The following CEP128 variants were observed in gnomAD, a reference collection of about 807,000 sequenced individuals.
CEP128 encodes the protein centrosomal protein 128kDa.
CEP128 carries 132 observed loss-of-function variants against 156.7 expected under a neutral mutation model. The observed-to-expected ratio is 0.84, with a 90% CI of 0.73 to 0.97. CEP128 has a LOEUF of 0.97. Among genes scored for constraint, CEP128 ranks in the 50% least tolerant of loss-of-function variants. The probability of loss-of-function intolerance (pLI) is 0.00; values close to 1 mark genes in which losing one functional copy is unlikely to be tolerated. For synonymous variants in CEP128, 469 were observed against 448.9 expected, an observed-to-expected ratio of 1.04 and a Z score of -0.57; for missense variants, 1,252 against 1,281.9, an observed-to-expected ratio of 0.98 and a Z score of 0.36.
At chr14:80,845,314 A>T (rs1886543254) in intron 9 of CEP128, among the ~76,000 whole-genome samples, 1 of 152,164 alleles carries the variant, frequency 6.6e-6, no homozygotes, top group African/African-American at 2.4e-5. Context: ...ACTGGAACAG[A>T]TTATATTTTT....
chr14:80,771,995 A>G lies in CEP128; in HGVS notation c.2376+5887T>C, dbSNP rs909390667. Among the ~76,000 whole-genome samples the G allele has an allele frequency of 2.0e-5, 3 of 152,172 alleles. No homozygotes were observed. In the East Asian group the frequency reaches 5.8e-4, roughly 29 times the overall value. On this transcript the variant is annotated intron_variant, in intron 16 of 24. Transcript: ENST00000555265. ...GGGAGCTGACCTTCTGTTTAAGATT[A>G]TGTTTAAGCTGACCTTCTGTTTAAA...
In CEP128 at chr14:80,697,366, C is replaced by T. The variant is rs1253723782; in HGVS notation, c.2806+45709G>A. Reference sequence around the variant, plus strand: ...AGGTAATGGATTTTCTATTTTCATGCCATGATTATGTATCCCAAAATATAT... The same window carrying T: ...AGGTAATGGATTTTCTATTTTCATGTCATGATTATGTATCCCAAAATATAT... On this transcript the variant is annotated intron_variant, in intron 19 of 24. Coordinates refer to ENST00000555265, the MANE Select transcript of CEP128 (RefSeq NM_152446.5). Among the ~76,000 whole-genome samples, 4 of 152,038 alleles carry T rather than the reference C, an allele frequency of 2.6e-5. No homozygotes were observed. The East Asian group carries it at 5.8e-4, about 22-fold the overall frequency.
intron 19 of CEP128, among the ~76,000 whole-genome samples, chr14:80,714,931 T>C (rs1897547726): frequency 6.6e-6 from 1 of 152,232 alleles, no homozygotes. Flanking sequence ...AATTATTTTA[T>C]TTTTATAAAA....
At chr14:80,581,855 T>C (rs1412514297) in intron 19 of CEP128, among the ~76,000 whole-genome samples, 1 of 152,212 alleles carries the variant, frequency 6.6e-6, no homozygotes, top group Non-Finnish European at 1.5e-5. Context: ...ATTTGCATTG[T>C]GGCATTGTAG....
intron 1 of CEP128, among the ~76,000 whole-genome samples, chr14:80,941,175 A>T (rs1344899114): frequency 1.3e-5 from 2 of 152,150 alleles, no homozygotes; most frequent in African/African-American, 4.8e-5. Context: ...ACTACAAAAC[A>T]GGTATTAAAA....
At chr14:80,623,241 T>C (rs1893564525) in intron 19 of CEP128, among the ~76,000 whole-genome samples, 1 of 143,078 alleles carries the variant, frequency 7.0e-6, no homozygotes, top group Non-Finnish European at 1.5e-5. Context: ...TTCTCACTCA[T>C]AGGTGGGAAT....
At chr14:80,685,397 A>G (rs1305378467) in intron 19 of CEP128, among the ~76,000 whole-genome samples, 1 of 152,048 alleles carries the variant, frequency 6.6e-6, no homozygotes, top group Non-Finnish European at 1.5e-5. Flanking sequence ...AAGAAGTAAA[A>G]TATTTCCACA....
chr14:80,778,292 T>C (rs912938678), intron 15 of CEP128, among the ~76,000 whole-genome samples: 4 of 152,184 alleles, frequency 2.6e-5, no homozygotes, highest in African/African-American at 9.7e-5. Flanking sequence ...CAGATATGAA[T>C]AGTAAGAGAG....
At chr14:80,955,640 G>C in intron 2 of CEP128, 1 of 1,612,030 alleles carries the variant, frequency 6.2e-7, no homozygotes. Flanking sequence ...AGAATGAGGC[G>C]ATTTCGGAGG....
intron 19 of CEP128, among the ~76,000 whole-genome samples, chr14:80,653,746 C>CA (rs1219361518): frequency 2.0e-5 from 3 of 151,942 alleles, no homozygotes; most frequent in Non-Finnish European, 4.4e-5. Context: ...AAAAAACAAA[C>CA]AAAAAAAGCA....
At chr14:80,487,240 A>G (rs1380325896), downstream of CEP128, among the ~76,000 whole-genome samples, 2 of 152,124 alleles carry the variant, frequency 1.3e-5, no homozygotes, top group African/African-American at 4.8e-5. Context: ...TCTCTGATAA[A>G]ACAGACTTTA....
chr14:80,955,690 G>A (rs1460409181), intron 2 of CEP128: 1 of 1,614,038 alleles, frequency 6.2e-7, no homozygotes, highest in East Asian at 2.2e-5. Flanking sequence ...AATGAGGCCG[G>A]CGGACTTGCT....
At chr14:80,712,491 G>A (rs977265505) in intron 19 of CEP128, among the ~76,000 whole-genome samples, 1 of 152,116 alleles carries the variant, frequency 6.6e-6, no homozygotes, top group East Asian at 1.9e-4. Context: ...CACTGTCCCT[G>A]GAAGGACTTG....
At chr14:80,700,423 T>C (rs1048864221) in intron 19 of CEP128, among the ~76,000 whole-genome samples, 3 of 151,830 alleles carry the variant, frequency 2.0e-5, no homozygotes, top group Non-Finnish European at 4.4e-5. Context: ...GCGTCATTAA[T>C]AGGTAATTAT....
intron 21 of CEP128, among the ~76,000 whole-genome samples, chr14:80,541,231 T>C (rs1383589231): frequency 6.6e-6 from 1 of 152,136 alleles, no homozygotes; most frequent in Non-Finnish European, 1.5e-5. Context: ...TAGTCCACTG[T>C]AGCATTAAGT....
chr14:80,580,563 T>G (rs1197482410), intron 19 of CEP128, 140 bp from the exon 20 acceptor site: 7 of 579,548 alleles, frequency 1.2e-5, no homozygotes, highest in Non-Finnish European at 2.2e-5. Context: ...AGAAGCCATG[T>G]AAAAGAAACA....
chr14:80,755,110 T>C (rs2139656909), intron 18 of CEP128, among the ~76,000 whole-genome samples: 1 of 152,236 alleles, frequency 6.6e-6, no homozygotes, highest in African/African-American at 2.4e-5. Context: ...CCAGTGTGGC[T>C]GAAATATAAG....
At chr14:80,508,196 G>A (rs1437476865) in intron 23 of CEP128, among the ~76,000 whole-genome samples, 6 of 152,168 alleles carry the variant, frequency 3.9e-5, no homozygotes, top group Non-Finnish European at 8.8e-5. Flanking sequence ...GATTACAGGC[G>A]TGAGCCACCG....
At chr14:80,479,278 A>C (rs1274741749) in intron 14 of CEP128, among the ~76,000 whole-genome samples, 3 of 152,242 alleles carry the variant, frequency 2.0e-5, no homozygotes, top group Admixed American at 6.5e-5. Flanking sequence ...ATGATTTTAC[A>C]GACAGTTCAT....
Sources: allele counts gnomAD v4.1 joint callset (sites outside exome capture counted in the v4.1 genomes callset), GRCh38; gene constraint gnomAD v4.1.1; transcripts MANE v1.5; gene names NCBI Gene and HGNC (gene_info 2026-07-23, HGNC 2026-07-21).